The following BTBD16 variants were observed in gnomAD, a reference collection of about 807,000 sequenced individuals.
The protein encoded by BTBD16 is BTB/POZ domain-containing protein 16.
In BTBD16, 66 loss-of-function variants were observed where a neutral mutation model predicts 67.4. That is an observed-to-expected ratio of 0.98 (90% CI 0.80 to 1.20). The LOEUF (loss-of-function observed/expected upper bound fraction) is 1.20. BTBD16 is among the 50% of genes most tolerant of loss of function. BTBD16 has a pLI of 0.00. For synonymous variants in BTBD16, 242 were observed against 236.4 expected, an observed-to-expected ratio of 1.02 and a Z score of -0.22; for missense variants, 634 against 616.0, an observed-to-expected ratio of 1.03 and a Z score of -0.31.
rs1178012792 is a variant in BTBD16 at position 122,298,987 on chromosome 10, G to GC, written c.661-16dup. ...AGCTCAGGACTTCCTTCATCAACTG[G>GC]CTTTTTTTTGTCTTAGTACAAGGAA... is the stretch of plus-strand genomic sequence containing the variant. On this transcript the variant is annotated splice_polypyrimidine_tract_variant and intron_variant, in intron 8 of 15. Transcript: ENST00000260723. 1 of 1,612,516 alleles carries GC rather than the reference G, an allele frequency of 6.2e-7. No individual in the cohort carries two copies. The highest frequency in any genetic ancestry group is 2.2e-5 in the East Asian group (1 of 44,898).
chr10:122,332,244 A>G lies in BTBD16; in HGVS notation c.1087-192A>G. ...CTTGCATCCTCTGAGAGCACTGGAC[A>G]CAGTGCCAGACACAGTAAGTTTTCA... is the stretch of plus-strand genomic sequence containing the variant. On this transcript the variant is annotated intron_variant, in intron 12 of 15. Transcript: ENST00000260723. 5.2e-6 allele frequency: 3 copies of G among 575,158 alleles called. No individual in the cohort carries two copies. In the East Asian group the frequency reaches 8.7e-5, roughly 17 times the overall value. 35.6% of individuals were successfully genotyped at this position (575,158 alleles called of 1,614,324 possible).
At chr10:122,321,271 T>A (rs2096434953) in intron 10 of BTBD16, among the ~76,000 whole-genome samples, 1 of 152,224 alleles carries the variant, frequency 6.6e-6, no homozygotes, top group South Asian at 2.1e-4. Flanking sequence ...GACACCTAGG[T>A]TGATTCCATG....
intron 7 of BTBD16, among the ~76,000 whole-genome samples, chr10:122,291,924 G>C (rs960919666): frequency 6.6e-6 from 1 of 152,152 alleles, no homozygotes; most frequent in African/African-American, 2.4e-5. Flanking sequence ...CATTCAAAGT[G>C]GGTTGGCATT....
chr10:122,307,479 AT>A (rs1215186827), intron 10 of BTBD16, among the ~76,000 whole-genome samples, 171 bp downstream of exon 10: 1 of 152,136 alleles, frequency 6.6e-6, no homozygotes, highest in East Asian at 1.9e-4. Context: ...AAACCACCAA[AT>A]TACCTGGAAA....
At chr10:122,299,227 AC>A in intron 9 of BTBD16, 93 bp downstream of exon 9, 14 of 1,437,160 alleles carry the variant, frequency 9.7e-6, no homozygotes, top group Non-Finnish European at 1.3e-5. Flanking sequence ...TGGAGGCTGC[AC>A]CCCCACCTTA....
chr10:122,332,353 TC>T (rs956949567), intron 12 of BTBD16, 82 bp from the exon 13 acceptor site: 7 of 1,326,886 alleles, frequency 5.3e-6, no homozygotes, highest in Non-Finnish European at 7.4e-6. Flanking sequence ...GGGGCAGGGG[TC>T]AAGGAAGAGG....
chr10:122,274,900 T>C (rs1158922564), intron 1 of BTBD16, 140 bp from the exon 2 acceptor site: 1 of 604,406 alleles, frequency 1.7e-6, no homozygotes, highest in Non-Finnish European at 2.9e-6. Flanking sequence ...AACAAGATAT[T>C]CTCTTGATTG....
At chr10:122,313,648 A>G (rs2096418603) in intron 10 of BTBD16, among the ~76,000 whole-genome samples, 1 of 152,028 alleles carries the variant, frequency 6.6e-6, no homozygotes, top group African/African-American at 2.4e-5. Flanking sequence ...CTATTGTTTT[A>G]CCTTGCATTT....
chr10:122,277,007 C>T (rs2096342139), intron 3 of BTBD16, 68 bp downstream of exon 3: 2 of 1,547,470 alleles, frequency 1.3e-6, no homozygotes, highest in Non-Finnish European at 1.8e-6. Flanking sequence ...TGCCTGATGA[C>T]CGGGCCACTC....
intron 9 of BTBD16, among the ~76,000 whole-genome samples, chr10:122,306,285 G>A (rs536799908): frequency 4.7e-4 from 71 of 152,334 alleles, no homozygotes; most frequent in Non-Finnish European, 3.5e-4. Context: ...CAGCTCTGCT[G>A]ACAACTTGAT....
chr10:122,320,349 T>C (rs1483894789), intron 10 of BTBD16, among the ~76,000 whole-genome samples: 3 of 152,110 alleles, frequency 2.0e-5, no homozygotes, highest in African/African-American at 7.2e-5. Context: ...AGATACCCTT[T>C]ATCATGTTGA....
At chr10:122,272,651 T>A (rs972677849) in intron 1 of BTBD16, among the ~76,000 whole-genome samples, 2 of 150,604 alleles carry the variant, frequency 1.3e-5, no homozygotes, top group Non-Finnish European at 2.9e-5. Context: ...CCAGATATGT[T>A]TTCAAATTAG....
intron 13 of BTBD16, among the ~76,000 whole-genome samples, chr10:122,333,239 C>T (rs146868720): frequency 9.2e-5 from 14 of 152,248 alleles, no homozygotes; most frequent in South Asian, 8.3e-4. Context: ...GCAGAGACAT[C>T]GTGCCTAAGT....
At chr10:122,290,478 C>G (rs557959897) in intron 6 of BTBD16, among the ~76,000 whole-genome samples, 1 of 152,148 alleles carries the variant, frequency 6.6e-6, no homozygotes, top group Non-Finnish European at 1.5e-5. Context: ...GTGCAACATC[C>G]GTGATGTCAT....
Position 122,283,838 on chromosome 10 carries a change from AT to A in BTBD16, c.168-9del. The A allele has an allele frequency of 6.2e-7, 1 of 1,610,814 alleles. No homozygotes were observed. Among genetic ancestry groups the A allele is most frequent in the Non-Finnish European group, 8.5e-7 (1 of 1,177,106 alleles). On this transcript the variant is annotated splice_polypyrimidine_tract_variant and intron_variant, in intron 3 of 15. Coordinates refer to ENST00000260723, the MANE Select transcript of BTBD16 (RefSeq NM_144587.5). ...ATTAACTCCTGGATTTTATATTTGC[AT>A]TTTCCCTTGAGGTTATGCATTTCAC...
intron 10 of BTBD16, chr10:122,328,628 T>A (rs553299843): frequency 2.7e-6 from 1 of 372,598 alleles, no homozygotes; most frequent in East Asian, 1.6e-4. Flanking sequence ...GGAAAAATAA[T>A]CTACAAGTAC....
chr10:122,334,105 A>G lies in BTBD16; in HGVS notation c.1165-776A>G, dbSNP rs545645176. Among the ~76,000 whole-genome samples, 18 of 151,992 alleles carry G rather than the reference A, an allele frequency of 1.2e-4. No homozygotes were observed. The East Asian group carries it at 3.5e-3, about 29-fold the overall frequency. On this transcript the variant is annotated intron_variant, in intron 13 of 15. Coordinates refer to ENST00000260723, the MANE Select transcript of BTBD16 (RefSeq NM_144587.5). ...CTTTCCCCATGTTTCCTAGGTTAAA[A>G]TTGCCATTGTATTTTCACTTTCAAA...
At position 122,309,658 on chromosome 10, in the gene BTBD16, T is replaced by C. The variant is rs145649440; in HGVS notation, c.911+2350T>C. Among the ~76,000 whole-genome samples, 34 of 152,070 alleles carry C rather than the reference T, an allele frequency of 2.2e-4. No individual in the cohort carries two copies. In the East Asian group the frequency reaches 6.4e-3, roughly 29 times the overall value. On this transcript the variant is annotated intron_variant, in intron 10 of 15. Transcript: ENST00000260723. ...GCGCCCAGCCTAAAATTATTATTTG[T>C]AGAAACAGGGCCACTCTGTTGCCCA... is the stretch of plus-strand genomic sequence containing the variant.
intron 10 of BTBD16, among the ~76,000 whole-genome samples, chr10:122,310,210 G>A (rs934278238): frequency 1.3e-5 from 2 of 152,232 alleles, no homozygotes; most frequent in East Asian, 1.9e-4. Context: ...GGTGGTGCCC[G>A]TTGAGTGCAC....
Sources: allele counts gnomAD v4.1 joint callset (sites outside exome capture counted in the v4.1 genomes callset), GRCh38; gene constraint gnomAD v4.1.1; transcripts MANE v1.5; gene names NCBI Gene and HGNC (gene_info 2026-07-23, HGNC 2026-07-21).